The following SH3RF2 variants were observed in gnomAD, a reference collection of about 807,000 sequenced individuals.
The protein encoded by SH3RF2 is E3 ubiquitin-protein ligase SH3RF2.
Under a neutral mutation model 59.0 loss-of-function variants are expected in SH3RF2, and 43 were observed. The ratio of observed to expected loss-of-function variants is 0.73; its 90% confidence interval spans 0.57 to 0.94. The LOEUF is 0.94. SH3RF2 is among the 40% of genes least tolerant of loss of function. The pLI, the probability that SH3RF2 is intolerant of heterozygous loss-of-function variation, is 0.00. For synonymous variants in SH3RF2, 391 were observed against 391.5 expected (o/e 1.00, Z 0.01); for missense variants, 930 against 940.1 (o/e 0.99, Z 0.14).
Position 146,028,784 on chromosome 5 carries a change from C to T in SH3RF2, c.1059+14723C>T, listed in dbSNP as rs191115240. 8.5e-4 allele frequency among the ~76,000 whole-genome samples: 129 copies of T among 152,280 alleles called. No homozygotes were observed. The Middle Eastern group carries it at 0.027, about 32-fold the overall frequency. ...AAAAGATGCCCTTTCTGAATAGCCC[C>T]AGCAGACCACTCTTCTCAAACACAT... On this transcript the variant is annotated intron_variant, in intron 5 of 9. Coordinates refer to ENST00000359120, the MANE Select transcript of SH3RF2 (RefSeq NM_152550.4).
chr5:146,009,180 T>C (rs1760773976), intron 4 of SH3RF2, among the ~76,000 whole-genome samples: 1 of 152,212 alleles, frequency 6.6e-6, no homozygotes, highest in South Asian at 2.1e-4. Context: ...GCTAAGTATG[T>C]GTTTAACTTT....
chr5:145,953,880 G>T lies in SH3RF2; in HGVS notation c.378+15574G>T, dbSNP rs115253064. 9.9e-3 allele frequency among the ~76,000 whole-genome samples: 1,502 copies of T among 152,210 alleles called. 27 individuals are homozygous for T. The highest frequency in any genetic ancestry group is 0.034 in the African/African-American group (1,418 of 41,528). On this transcript the variant is annotated intron_variant, in intron 2 of 9. Coordinates refer to ENST00000359120, the MANE Select transcript of SH3RF2 (RefSeq NM_152550.4). ...CAGCTCCATCCATGTTCCCTCAAAA[G>T]ACACGATCTCATTCTTTTTATGGTT... is the stretch of plus-strand genomic sequence containing the variant.
At chr5:146,054,792 G>C (rs914924575) in intron 7 of SH3RF2, among the ~76,000 whole-genome samples, 21 of 152,302 alleles carry the variant, frequency 1.4e-4, no homozygotes, top group Non-Finnish European at 2.6e-4. Context: ...GGAGAAATGA[G>C]GGTAAATGAC....
intron 2 of SH3RF2, among the ~76,000 whole-genome samples, chr5:145,989,535 A>G (rs548576224): frequency 6.6e-6 from 1 of 152,352 alleles, no homozygotes; most frequent in South Asian, 2.1e-4. Context: ...GCAGCAGATA[A>G]CTTAGCCTGG....
At chr5:145,998,035 C>A in intron 2 of SH3RF2, 1 of 626,098 alleles carries the variant, frequency 1.6e-6, no homozygotes, top group Non-Finnish European at 2.9e-6. Flanking sequence ...AGAGAGACTA[C>A]ATAGAAAACT....
In SH3RF2 at chr5:145,937,884, T is replaced by G; in HGVS notation, c.-45T>G. On this transcript the variant is annotated 5_prime_UTR_variant, in exon 2 of 10. An upstream start codon of the reference 5' UTR is lost. Coordinates refer to ENST00000359120, the MANE Select transcript of SH3RF2 (RefSeq NM_152550.4). ...CCCCGTGGCTCAACTGACCCTACCA[T>G]GTGGACGCTGCTCCTCCAGGTGGGA... is the stretch of plus-strand genomic sequence containing the variant. 1 of 1,575,340 alleles carries G rather than the reference T, an allele frequency of 6.3e-7. No homozygotes were observed. The highest frequency in any genetic ancestry group is 2.2e-5 in the East Asian group (1 of 44,666).
intron 2 of SH3RF2, chr5:145,997,084 C>A (rs550440636): frequency 5.3e-6 from 3 of 570,056 alleles, no homozygotes; most frequent in African/African-American, 3.7e-5. Context: ...GTTTGTTACA[C>A]AGGTAAACTC....
chr5:146,002,829 T>A lies in SH3RF2; in HGVS notation c.649-1229T>A, dbSNP rs536621768. On this transcript the variant is annotated intron_variant, in intron 3 of 9. Coordinates refer to ENST00000359120, the MANE Select transcript of SH3RF2 (RefSeq NM_152550.4). ...CTAAATTAGGTGCTCCTTATGAGAA[T>A]CTAATGCCTGATAATGTGAGGTGGA... 3.4e-4 allele frequency among the ~76,000 whole-genome samples: 52 copies of A among 152,314 alleles called. 1 individual carries two copies. Among genetic ancestry groups the A allele is most frequent in the Non-Finnish European group, 7.4e-4 (50 of 68,022 alleles).
At chr5:146,077,003 C>G (rs529054407) in intron 9 of SH3RF2, among the ~76,000 whole-genome samples, 1 of 152,286 alleles carries the variant, frequency 6.6e-6, no homozygotes, top group Admixed American at 6.5e-5. Flanking sequence ...AAATCAGGGT[C>G]TAGATGAAAG....
At position 146,017,046 on chromosome 5, in the gene SH3RF2, A is replaced by G. The variant is rs1445484544; in HGVS notation, c.1059+2985A>G. Among the ~76,000 whole-genome samples, 4 of 152,102 alleles carry G rather than the reference A, an allele frequency of 2.6e-5. No homozygotes were observed. The East Asian group carries it at 5.8e-4, about 22-fold the overall frequency. ...GGGGTAGCATTTTCTTCCTTTTCAT[A>G]ATGAGAAGCCAGAGCCAGGAATATT... On this transcript the variant is annotated intron_variant, in intron 5 of 9. Transcript: ENST00000359120.
intron 2 of SH3RF2, among the ~76,000 whole-genome samples, chr5:145,979,485 T>G (rs1163712421): frequency 6.6e-6 from 1 of 152,222 alleles, no homozygotes; most frequent in Non-Finnish European, 1.5e-5. Context: ...GGGCCTCAGA[T>G]AAGTTATCTT....
chr5:146,014,491 G>T (rs1761032958), intron 5 of SH3RF2, among the ~76,000 whole-genome samples: 1 of 152,142 alleles, frequency 6.6e-6, no homozygotes. Flanking sequence ...ACATCAGATG[G>T]AAAGAAAGCA....
chr5:145,965,693 C>A (rs1191572499), intron 2 of SH3RF2, among the ~76,000 whole-genome samples: 1 of 152,130 alleles, frequency 6.6e-6, no homozygotes, highest in East Asian at 1.9e-4. Context: ...TTTATTAACA[C>A]CAGCCACCAT....
At chr5:145,941,709 T>C (rs1476348367) in intron 2 of SH3RF2, among the ~76,000 whole-genome samples, 1 of 152,218 alleles carries the variant, frequency 6.6e-6, no homozygotes, top group East Asian at 1.9e-4. Flanking sequence ...ATCCTGACTC[T>C]GCCCCTCAAC....
intron 2 of SH3RF2, among the ~76,000 whole-genome samples, chr5:145,995,753 T>C (rs1760123347): frequency 6.6e-6 from 1 of 152,214 alleles, no homozygotes; most frequent in African/African-American, 2.4e-5. Context: ...CATATAGTCA[T>C]CTAACATTTT....
chr5:146,007,364 G>A (rs1258565823), intron 4 of SH3RF2, among the ~76,000 whole-genome samples: 1 of 152,216 alleles, frequency 6.6e-6, no homozygotes, highest in African/African-American at 2.4e-5. Flanking sequence ...GGCAGGCGTA[G>A]AGGAGAGAAG....
downstream of SH3RF2, among the ~76,000 whole-genome samples, chr5:146,064,508 G>A (rs909956745): frequency 3.5e-5 from 5 of 142,604 alleles, no homozygotes; most frequent in Non-Finnish European, 6.0e-5. Flanking sequence ...GCACTTTAAC[G>A]CAGAAATAAC....
downstream of SH3RF2, among the ~76,000 whole-genome samples, chr5:146,065,148 G>A (rs1763073712): frequency 6.6e-6 from 1 of 152,120 alleles, no homozygotes; most frequent in Admixed American, 6.5e-5. Context: ...TCACGTTTGG[G>A]TCCACATCTC....
chr5:146,077,545 G>T (rs1304173216), intron 9 of SH3RF2, among the ~76,000 whole-genome samples: 1 of 152,014 alleles, frequency 6.6e-6, no homozygotes, highest in East Asian at 1.9e-4. Context: ...AGTGTAAGTT[G>T]GAGACTAAAT....
Sources: allele counts gnomAD v4.1 joint callset (sites outside exome capture counted in the v4.1 genomes callset), GRCh38; gene constraint gnomAD v4.1.1; transcripts MANE v1.5; gene names NCBI Gene and HGNC (gene_info 2026-07-23, HGNC 2026-07-21).